DPYD: variants seen among roughly 807,000 people sequenced by gnomAD.
DPYD encodes dihydropyrimidine dehydrogenase [NADP(+)].
A neutral mutation model predicts 116.2 loss-of-function variants in DPYD; 109 were observed. The observed-to-expected ratio is 0.94, with a 90% CI of 0.80 to 1.10. The LOEUF (loss-of-function observed/expected upper bound fraction) is 1.10, where lower values mean the gene tolerates loss of function less well. DPYD is among the 50% of genes least tolerant of loss of function. The probability of loss-of-function intolerance (pLI) is 0.00; values close to 1 mark genes in which losing one functional copy is unlikely to be tolerated. For missense variants in DPYD, 1,302 were observed against 1,254.5 expected, an observed-to-expected ratio of 1.04 and a Z score of -0.57; for synonymous variants, 440 against 432.0, an observed-to-expected ratio of 1.02 and a Z score of -0.23.
intron 18 of DPYD, among the ~76,000 whole-genome samples, chr1:97,304,154 C>A (rs1482839429): frequency 6.6e-6 from 1 of 151,952 alleles, no homozygotes; most frequent in Non-Finnish European, 1.5e-5. Flanking sequence ...GTCAACATGG[C>A]AGGCTGGAAA....
rs57893705 is a variant in DPYD at position 97,206,638 on chromosome 1, T to TTATATA, written c.2443-13396_2443-13391dup. Among the ~76,000 whole-genome samples the TTATATA allele has an allele frequency of 2.8e-3, 136 of 48,956 alleles. 1 individual carries two copies. The highest frequency in any genetic ancestry group is 4.9e-3 in the Admixed American group (16 of 3,284). 32.1% of individuals were successfully genotyped at this position (48,956 alleles called of 152,430 possible). A position where few individuals can be genotyped will look rare whatever the true frequency, so the allele number is the denominator to read the frequency against. The stretch of plus-strand genomic sequence containing the variant: ...GCTTTCATGTGAAAACAGGGAGATT[T>TTATATA]TATATATATATATATATATATATAT... On this transcript the variant is annotated intron_variant, in intron 19 of 22. Coordinates refer to ENST00000370192, the MANE Select transcript of DPYD (RefSeq NM_000110.4).
At chr1:97,361,516 G>C (rs1271465654) in intron 16 of DPYD, among the ~76,000 whole-genome samples, 1 of 152,118 alleles carries the variant, frequency 6.6e-6, no homozygotes, top group Non-Finnish European at 1.5e-5. Flanking sequence ...GAGAATTTTA[G>C]ACCAAAAACC....
intron 7 of DPYD, among the ~76,000 whole-genome samples, chr1:97,686,418 C>T (rs1252127981): frequency 2.6e-5 from 4 of 151,618 alleles, no homozygotes; most frequent in East Asian, 1.9e-4. Flanking sequence ...GGGCGGATCA[C>T]GAGGTCAGGA....
chr1:97,654,270 T>C (rs1032975088), intron 8 of DPYD, among the ~76,000 whole-genome samples: 1 of 152,184 alleles, frequency 6.6e-6, no homozygotes, highest in African/African-American at 2.4e-5. Context: ...ATTTTTTGCA[T>C]TGAAGTAAAA....
At chr1:97,094,051 C>G (rs1650065412) in intron 21 of DPYD, among the ~76,000 whole-genome samples, 2 of 152,042 alleles carry the variant, frequency 1.3e-5, no homozygotes, top group South Asian at 2.1e-4. Context: ...CTCTTCTTAT[C>G]CCTTTCCTAC....
intron 3 of DPYD, among the ~76,000 whole-genome samples, chr1:97,794,840 C>T (rs1667488448): frequency 6.6e-6 from 1 of 152,158 alleles, no homozygotes; most frequent in South Asian, 2.1e-4. Context: ...TTTCACAAGT[C>T]AGATTTATCC....
intron 7 of DPYD, among the ~76,000 whole-genome samples, chr1:97,686,505 C>T (rs1256949470): frequency 1.3e-5 from 2 of 151,102 alleles, no homozygotes; most frequent in African/African-American, 2.4e-5. Flanking sequence ...GGCGTGGTAG[C>T]GGGAGCCTGT....
Position 97,677,147 on chromosome 1 carries a change from C to A in DPYD, c.850+1948G>T, listed in dbSNP as rs528960142. ...AAGGTGTTTCGTGGTTATAACTACTCAGAGTGATAAACAATTTAATTATTC... is the reference window on the plus strand; with the variant it reads ...AAGGTGTTTCGTGGTTATAACTACTAAGAGTGATAAACAATTTAATTATTC... On this transcript the variant is annotated intron_variant, in intron 8 of 22. Coordinates refer to ENST00000370192, the MANE Select transcript of DPYD (RefSeq NM_000110.4). Among the ~76,000 whole-genome samples, 4 of 152,178 alleles carry A rather than the reference C, an allele frequency of 2.6e-5. No homozygotes were observed. The South Asian group carries it at 8.3e-4, about 32-fold the overall frequency.
intron 3 of DPYD, among the ~76,000 whole-genome samples, chr1:97,788,680 T>C (rs765211352): frequency 1.6e-4 from 24 of 152,192 alleles, no homozygotes; most frequent in Admixed American, 2.0e-4. Context: ...CATAGGCCTA[T>C]AGAATCCAAC....
intron 5 of DPYD, chr1:97,720,711 T>C (rs1662874586): frequency 9.2e-6 from 13 of 1,411,140 alleles, no homozygotes; most frequent in Non-Finnish European, 1.2e-5. Context: ...TAACTAAAAA[T>C]CTAGGTTGAC....
At chr1:97,177,153 T>A (rs1362537686) in intron 20 of DPYD, among the ~76,000 whole-genome samples, 1 of 152,182 alleles carries the variant, frequency 6.6e-6, no homozygotes, top group Non-Finnish European at 1.5e-5. Flanking sequence ...CAGTCTGTGA[T>A]CCTTTTAAGG....
chr1:97,849,348 T>C (rs1341040163), intron 2 of DPYD, among the ~76,000 whole-genome samples: 1 of 152,244 alleles, frequency 6.6e-6, no homozygotes, highest in African/African-American at 2.4e-5. Context: ...TCTATGTATA[T>C]GTATTTCCTG....
intron 15 of DPYD, among the ~76,000 whole-genome samples, chr1:97,377,634 A>G (rs889831545): frequency 2.6e-5 from 4 of 152,234 alleles, no homozygotes; most frequent in Non-Finnish European, 5.9e-5. Context: ...GCAAAACCAC[A>G]AACTCTTGTG....
chr1:97,872,797 C>T (rs905130633), intron 2 of DPYD, among the ~76,000 whole-genome samples: 2 of 151,904 alleles, frequency 1.3e-5, no homozygotes, highest in African/African-American at 4.8e-5. Flanking sequence ...ATTGTCACTA[C>T]TCTGTGGAGA....
chr1:97,080,340 G>A (rs1649066462), intron 22 of DPYD, among the ~76,000 whole-genome samples: 1 of 151,780 alleles, frequency 6.6e-6, no homozygotes, highest in Non-Finnish European at 1.5e-5. Flanking sequence ...TCATACCAAT[G>A]TTATAATTCA....
At chr1:97,885,026 A>C (rs1034585752) in intron 1 of DPYD, among the ~76,000 whole-genome samples, 2 of 151,934 alleles carry the variant, frequency 1.3e-5, no homozygotes, top group Non-Finnish European at 1.5e-5. Flanking sequence ...AACTACAAAA[A>C]CCCTAAAAAT....
chr1:97,660,328 T>C (rs184209939), intron 8 of DPYD, among the ~76,000 whole-genome samples: 80 of 152,206 alleles, frequency 5.3e-4, no homozygotes, highest in Non-Finnish European at 1.1e-3. Context: ...CTAATTTCAT[T>C]GTAAAAAGTA....
rs149918630 is a variant in DPYD, at chr1:97,118,135, T to C, written c.2623-19503A>G. ...TCTATTGATCTTTTCTTTTCAAATG[T>C]CACCTTTTGTTTTATTTTTCCTTTT... is the stretch of plus-strand genomic sequence containing the variant. On this transcript the variant is annotated intron_variant, in intron 20 of 22. Coordinates refer to ENST00000370192, the MANE Select transcript of DPYD (RefSeq NM_000110.4). Among the ~76,000 whole-genome samples, 941 of 152,246 alleles carry C rather than the reference T, an allele frequency of 6.2e-3. 11 individuals carry two copies. Among genetic ancestry groups the C allele is most frequent in the African/African-American group, 0.022 (900 of 41,546 alleles).
At chr1:97,835,406 AGAAT>A (rs1203356954) in intron 2 of DPYD, among the ~76,000 whole-genome samples, 1 of 152,126 alleles carries the variant, frequency 6.6e-6, no homozygotes, top group Non-Finnish European at 1.5e-5. Flanking sequence ...TTTAAAAGAT[AGAAT>A]GAATCTCATT....
Sources: allele counts gnomAD v4.1 joint callset (sites outside exome capture counted in the v4.1 genomes callset), GRCh38; gene constraint gnomAD v4.1.1; transcripts MANE v1.5; gene names NCBI Gene and HGNC (gene_info 2026-07-23, HGNC 2026-07-21).